Variants in ZFYVE16 observed in about 807,000 individuals in gnomAD.
The protein encoded by ZFYVE16 is zinc finger FYVE domain-containing protein 16.
ZFYVE16 carries 89 observed loss-of-function variants against 138.1 expected under a neutral mutation model. The observed-to-expected ratio is 0.64, with a 90% CI of 0.54 to 0.77. The LOEUF (loss-of-function observed/expected upper bound fraction) is 0.77, where lower values mean the gene tolerates loss of function less well. ZFYVE16 is among the 30% of genes least tolerant of loss of function. The probability of loss-of-function intolerance (pLI) is 0.00; values close to 1 mark genes in which losing one functional copy is unlikely to be tolerated. For synonymous variants in ZFYVE16, 596 were observed against 618.3 expected (o/e 0.96, Z 0.53); for missense variants, 1,793 against 1,786.7 (o/e 1.00, Z -0.06).
At position 80,438,313 on chromosome 5, in the gene ZFYVE16, A is replaced by T. The variant is rs780264231; in HGVS notation, c.1628A>T (p.Gln543Leu). 1.2e-6 allele frequency: 2 copies of T among 1,613,960 alleles called. No individual in the cohort carries two copies. Among genetic ancestry groups the T allele is most frequent in the South Asian group, 2.2e-5 (2 of 91,072 alleles). ...LDAFLTEQYL[Q>L]TTNIKSFEEN... ...GCCTTTCTGACAGAACAGTATCTTC[A>T]GACCACTAACATAAAGTCTTTTGAA... The change falls in exon 4 of 19, where the codon CAG (glutamine) becomes CTG (leucine). Residue 543 changes from glutamine to leucine, a missense_variant. Around this residue, in one of 2 missense-constraint regions of ZFYVE16, gnomAD observed 1,295 missense variants for 1,204.3 expected, o/e 1.08. Coordinates refer to ENST00000505560, the MANE Select transcript of ZFYVE16 (RefSeq NM_001284236.3).
rs1336587754 is a variant in ZFYVE16 at position 80,459,367 on chromosome 5, T to C, written c.3944-47T>C. ...TTCTGCATTTAACAAATGTGTAACA[T>C]AAAAATGAGCAGTTTAAAACAAATA... On this transcript the variant is annotated intron_variant, in intron 14 of 18. Coordinates refer to ENST00000505560, the MANE Select transcript of ZFYVE16 (RefSeq NM_001284236.3). 4 of 1,545,400 alleles carry C rather than the reference T, an allele frequency of 2.6e-6. No individual in the cohort carries two copies. The African/African-American group carries it at 5.5e-5, about 21-fold the overall frequency.
rs1238670015 is a variant in ZFYVE16 at position 80,438,812 on chromosome 5, A to G, written c.2127A>G (p.Glu709=). The G allele has an allele frequency of 3.1e-6, 5 of 1,614,000 alleles. No individual in the cohort carries two copies. Among genetic ancestry groups the G allele is most frequent in the Non-Finnish European group, 4.2e-6 (5 of 1,179,980 alleles). Residue 709 remains glutamate, a synonymous_variant, in exon 4 of 19, where the codon GAA becomes GAG. Transcript: ENST00000505560. ...TCAACTCTAATTACATTGATATAGA[A>G]AGTAATTCTGAAGGTGGATCTAGTT... ...VSFNSNYIDI[E]SNSEGGSSFV... is the part of the protein sequence containing the mutation.
chr5:80,474,714 C>T lies in ZFYVE16; in HGVS notation c.4345C>T (p.Gln1449Ter). The T allele has an allele frequency of 6.2e-7, 1 of 1,613,846 alleles. No individual in the cohort carries two copies. The highest frequency in any genetic ancestry group is 8.5e-7 in the Non-Finnish European group (1 of 1,179,834). Reference protein sequence around the residue: ...QDLSILSTSYQFAKEIAMACS... With the variant: ...QDLSILSTSY ...TTTATCTATTTTATCAACTTCTTATCAGTTTGCAAAAGAAATAGCCATGGC... is the reference window on the plus strand; with the variant it reads ...TTTATCTATTTTATCAACTTCTTATTAGTTTGCAAAAGAAATAGCCATGGC... Residue 1449 changes from glutamine to a stop codon, truncating the protein, a stop_gained, in exon 18 of 19, where the codon CAG becomes TAG. Transcript: ENST00000505560. LOFTEE classifies it high-confidence loss of function.
chr5:80,441,904 G>A, intron 5 of ZFYVE16: 1 of 985,290 alleles, frequency 1.0e-6, no homozygotes, highest in Non-Finnish European at 1.2e-6. Context: ...TTTGGATGAA[G>A]AATCACTCAG....
In ZFYVE16 at chr5:80,481,597, T is replaced by C. The variant is rs939378865; in HGVS notation, c.*4220T>C. 1.3e-5 allele frequency among the ~76,000 whole-genome samples: 2 copies of C among 151,998 alleles called. No homozygotes were observed. Among genetic ancestry groups the C allele is most frequent in the Admixed American group, 6.6e-5 (1 of 15,226 alleles). On this transcript the variant is annotated 3_prime_UTR_variant, in exon 19 of 19. Coordinates refer to ENST00000505560, the MANE Select transcript of ZFYVE16 (RefSeq NM_001284236.3). ...ATGTGTGCTCTGAAACTTAACTGAATTGATGGTCTGCTAAAACAAAACAAA... is the reference window on the plus strand; with the variant it reads ...ATGTGTGCTCTGAAACTTAACTGAACTGATGGTCTGCTAAAACAAAACAAA...
At chr5:80,422,453 G>T (rs534706898) in intron 1 of ZFYVE16, among the ~76,000 whole-genome samples, 38 of 152,106 alleles carry the variant, frequency 2.5e-4, no homozygotes, top group African/African-American at 8.9e-4. Context: ...TATTGTATTT[G>T]TTTTGTTTTG....
At chr5:80,445,096 G>A (rs1751149895) in intron 6 of ZFYVE16, among the ~76,000 whole-genome samples, 167 bp from the exon 7 acceptor site, 1 of 152,142 alleles carries the variant, frequency 6.6e-6, no homozygotes, top group Non-Finnish European at 1.5e-5. Context: ...CTCCACTTAG[G>A]ATAGAGGAAT....
rs58398919 is a variant in ZFYVE16 at position 80,409,136 on chromosome 5, CTTT to C, written c.-94+988_-94+990del. Reference sequence around the variant, plus strand: ...ATATTTTGACTTTTTTCCTTTGAGTCTTTTTTTCCCCTGTGCATTTTCTTGAGA... The same window carrying C: ...ATATTTTGACTTTTTTCCTTTGAGTCTTTTCCCCTGTGCATTTTCTTGAGA... On this transcript the variant is annotated intron_variant, in intron 1 of 18. Coordinates refer to ENST00000505560, the MANE Select transcript of ZFYVE16 (RefSeq NM_001284236.3). 2.6e-5 allele frequency among the ~76,000 whole-genome samples: 4 copies of C among 151,966 alleles called. No homozygotes were observed. In the East Asian group the frequency reaches 7.7e-4, roughly 29 times the overall value.
chr5:80,442,686 T>C (rs1472230254), intron 5 of ZFYVE16, among the ~76,000 whole-genome samples: 1 of 152,154 alleles, frequency 6.6e-6, no homozygotes, highest in Non-Finnish European at 1.5e-5. Context: ...ATGAATTATG[T>C]TGGGTCTTGT....
At position 80,461,519 on chromosome 5, in the gene ZFYVE16, G is replaced by A. The variant is rs562822874; in HGVS notation, c.4024+2025G>A. On this transcript the variant is annotated intron_variant, in intron 15 of 18. Transcript: ENST00000505560. ...AACAAAATACAACAGATTGAGTAGC[G>A]TAAAAAGCATAAATGTATTTTCTCA... Among the ~76,000 whole-genome samples, 17 of 152,266 alleles carry A rather than the reference G, an allele frequency of 1.1e-4. No homozygotes were observed. In the East Asian group the frequency reaches 1.9e-3, roughly 17 times the overall value.
intron 5 of ZFYVE16, chr5:80,441,586 G>C: frequency 1.0e-6 from 1 of 985,112 alleles, no homozygotes; most frequent in Non-Finnish European, 1.2e-6. Context: ...TGGGTTGTGA[G>C]ACATATGCCA....
chr5:80,435,137 C>T (rs1294052625), intron 3 of ZFYVE16, among the ~76,000 whole-genome samples: 3 of 152,168 alleles, frequency 2.0e-5, no homozygotes, highest in Non-Finnish European at 2.9e-5. Flanking sequence ...CAGGTTCAAG[C>T]GATTCTCCTG....
intron 2 of ZFYVE16, among the ~76,000 whole-genome samples, chr5:80,428,533 C>T (rs1376635627): frequency 3.3e-5 from 5 of 152,170 alleles, no homozygotes; most frequent in Admixed American, 3.3e-4. Context: ...GCTGAAAATT[C>T]TAAAAATCAG....
intron 12 of ZFYVE16, chr5:80,456,234 T>C (rs572719064): frequency 8.0e-6 from 3 of 376,554 alleles, no homozygotes; most frequent in South Asian, 4.6e-5. Flanking sequence ...CCTGTTACCA[T>C]AGAAAAATGT....
At chr5:80,408,777 C>T (rs572147980) in intron 1 of ZFYVE16, among the ~76,000 whole-genome samples, 1 of 152,216 alleles carries the variant, frequency 6.6e-6, no homozygotes, top group Non-Finnish European at 1.5e-5. Context: ...ATGTTCCAGA[C>T]TAAGGATGTT....
chr5:80,432,007 G>A (rs545846637), intron 2 of ZFYVE16, among the ~76,000 whole-genome samples: 11 of 152,276 alleles, frequency 7.2e-5, no homozygotes, highest in African/African-American at 2.2e-4. Context: ...TGGCCATACT[G>A]CCCAAGGTAA....
intron 1 of ZFYVE16, among the ~76,000 whole-genome samples, chr5:80,425,071 G>C (rs1747798258): frequency 6.6e-6 from 1 of 152,158 alleles, no homozygotes; most frequent in African/African-American, 2.4e-5. Context: ...TATGTTACCT[G>C]TATCTGTTGA....
intron 1 of ZFYVE16, among the ~76,000 whole-genome samples, chr5:80,418,931 TTA>T (rs1361374034): frequency 2.6e-5 from 4 of 152,178 alleles, no homozygotes; most frequent in Non-Finnish European, 2.9e-5. Context: ...GAATATGTTT[TTA>T]TATAAGGTGT....
At chr5:80,428,531 T>A (rs1368692012) in intron 2 of ZFYVE16, among the ~76,000 whole-genome samples, 1 of 151,944 alleles carries the variant, frequency 6.6e-6, no homozygotes, top group Non-Finnish European at 1.5e-5. Context: ...AAGCTGAAAA[T>A]TCTAAAAATC....
Sources: gnomAD v4.1 joint callset for allele counts (sites outside exome capture counted in the v4.1 genomes callset) on GRCh38, gnomAD v4.1.1 for gene constraint, gnomAD v4.1.1 regional missense constraint, MANE v1.5 for transcripts, NCBI Gene and HGNC (gene_info 2026-07-23, HGNC 2026-07-21) for gene names.